TRAK1: variants seen among roughly 807,000 people sequenced by gnomAD.
TRAK1 encodes trafficking kinesin-binding protein 1.
In TRAK1, 33 loss-of-function variants were observed where a neutral mutation model predicts 92.1. The ratio of observed to expected loss-of-function variants is 0.36; its 90% CI spans 0.27 to 0.48. TRAK1 has a LOEUF of 0.48. Among genes scored for constraint, TRAK1 ranks in the 20% least tolerant of loss-of-function variants. TRAK1 has a pLI of 0.99. For synonymous variants in TRAK1, 521 were observed against 517.3 expected, an observed-to-expected ratio of 1.01 and a Z score of -0.10; for missense variants, 1,123 against 1,257.9, an observed-to-expected ratio of 0.89 and a Z score of 1.62.
chr3:42,170,553 C>G (rs924272368), intron 2 of TRAK1, among the ~76,000 whole-genome samples: 1 of 152,200 alleles, frequency 6.6e-6, no homozygotes, highest in Admixed American at 6.5e-5. Flanking sequence ...TCTGTTTCAA[C>G]TGGGTATATC....
At chr3:42,055,434 T>C (rs1703162162) in intron 1 of TRAK1, among the ~76,000 whole-genome samples, 2 of 152,210 alleles carry the variant, frequency 1.3e-5, no homozygotes, top group Admixed American at 6.5e-5. Flanking sequence ...TGGTTTTCAG[T>C]GTTTACAGAG....
At chr3:42,219,986 T>C (rs1710184249) in intron 15 of TRAK1, among the ~76,000 whole-genome samples, 1 of 151,958 alleles carries the variant, frequency 6.6e-6, no homozygotes, top group African/African-American at 2.4e-5. Context: ...AGTTGCCCTT[T>C]TAGTTGGCTA....
At chr3:42,040,119 A>G (rs547291107) in intron 1 of TRAK1, among the ~76,000 whole-genome samples, 3 of 151,910 alleles carry the variant, frequency 2.0e-5, no homozygotes, top group Non-Finnish European at 4.4e-5. Flanking sequence ...GGATTTGCAT[A>G]TATTTTCTTC....
chr3:42,211,760 T>C (rs1289855712), intron 14 of TRAK1: 1 of 985,348 alleles, frequency 1.0e-6, no homozygotes, highest in Non-Finnish European at 1.2e-6. Flanking sequence ...ACTGACATCC[T>C]GGCCACTCTC....
At chr3:42,108,084 AG>A (rs1707839898) in intron 1 of TRAK1, among the ~76,000 whole-genome samples, 1 of 152,108 alleles carries the variant, frequency 6.6e-6, no homozygotes, top group Non-Finnish European at 1.5e-5. Context: ...ATTTTGCAGC[AG>A]GGGAGGCTAA....
chr3:42,190,508 A>G (rs926795953), intron 6 of TRAK1, among the ~76,000 whole-genome samples: 15 of 152,112 alleles, frequency 9.9e-5, no homozygotes, highest in Non-Finnish European at 7.4e-5. Flanking sequence ...TGGGCAAGGC[A>G]ACAGCCCTGT....
chr3:42,195,034 C>G, intron 10 of TRAK1, 93 bp downstream of exon 10: 3 of 1,482,104 alleles, frequency 2.0e-6, no homozygotes, highest in Non-Finnish European at 2.7e-6. Context: ...GTTGGGTGTT[C>G]ACAGTTCGCT....
chr3:42,163,246 A>T (rs1164036418), intron 2 of TRAK1, among the ~76,000 whole-genome samples: 2 of 152,184 alleles, frequency 1.3e-5, no homozygotes, highest in Non-Finnish European at 2.9e-5. Context: ...GACCAGCAGC[A>T]TCAGGATCAC....
At chr3:42,055,027 C>T (rs536413019) in intron 1 of TRAK1, among the ~76,000 whole-genome samples, 23 of 141,182 alleles carry the variant, frequency 1.6e-4, no homozygotes, top group African/African-American at 5.8e-4. Flanking sequence ...TCAGGAAATT[C>T]TCCTGTCTCA....
chr3:42,172,804 G>A (rs1702731080), intron 2 of TRAK1, among the ~76,000 whole-genome samples: 1 of 152,116 alleles, frequency 6.6e-6, no homozygotes. Flanking sequence ...GCAGCAAGTT[G>A]CATTTAACTT....
chr3:42,187,355 A>T (rs1321591665), intron 4 of TRAK1, among the ~76,000 whole-genome samples: 1 of 152,212 alleles, frequency 6.6e-6, no homozygotes, highest in Non-Finnish European at 1.5e-5. Context: ...GCAGAAGTGA[A>T]TGAATGGCCT....
intron 1 of TRAK1, among the ~76,000 whole-genome samples, chr3:42,079,489 T>G (rs1704327704): frequency 1.3e-5 from 2 of 150,032 alleles, no homozygotes; most frequent in Non-Finnish European, 3.0e-5. Context: ...TTTTTTTTTT[T>G]TTTTGTTTTG....
chr3:42,214,885 C>G (rs184340759), intron 14 of TRAK1, among the ~76,000 whole-genome samples: 107 of 152,324 alleles, frequency 7.0e-4, no homozygotes, highest in African/African-American at 2.5e-3. Context: ...AAGCCCAGAA[C>G]TAAGGCCTTT....
At chr3:42,083,071 T>G (rs1401799109), upstream of TRAK1, among the ~76,000 whole-genome samples, 6 of 152,246 alleles carry the variant, frequency 3.9e-5, no homozygotes, top group Non-Finnish European at 5.9e-5. Context: ...CTACAGTAAA[T>G]TTTGTCAGGC....
intron 1 of TRAK1, among the ~76,000 whole-genome samples, chr3:42,038,488 A>G (rs936813354): frequency 3.3e-5 from 5 of 152,152 alleles, no homozygotes; most frequent in Non-Finnish European, 1.5e-5. Flanking sequence ...GGTTATTTTT[A>G]AAAATTTTTT....
In TRAK1 at chr3:42,202,460, G is replaced by A. The variant is rs751274013; in HGVS notation, c.1452G>A (p.Pro484=). Residue 484 remains proline (P), a synonymous_variant, in exon 13 of 16, where the codon CCG becomes CCA. Coordinates refer to ENST00000327628, the MANE Select transcript of TRAK1 (RefSeq NM_001042646.3). This position sits in a 1 kb window ranked among gnomAD's most constrained non-coding sequence, Gnocchi z 6.1. ...GAAACGATGAGCGGAGTAAGAAGCC[G>A]GGGACGCCGGGCACCCCAGGCTCCC... ...DLGNDERSKK[P]GTPGTPGSHD... 6.1e-6 allele frequency: 9 copies of A among 1,483,684 alleles called. No homozygotes were observed. The highest frequency in any genetic ancestry group is 2.8e-5 in the African/African-American group (2 of 70,972). The allele number at this position is 1,483,684 out of a possible 1,614,324, so 91.9% of individuals were successfully genotyped here. A position where few individuals can be genotyped will look rare whatever the true frequency, so the allele number is the denominator to read the frequency against.
chr3:42,113,005 A>C (rs962350221), intron 1 of TRAK1, among the ~76,000 whole-genome samples: 1 of 152,096 alleles, frequency 6.6e-6, no homozygotes, highest in Admixed American at 6.5e-5. Context: ...TCCTAGGCTC[A>C]AGTGATCCTC....
In TRAK1 at chr3:42,192,596, C is replaced by T. The variant is rs183257295; in HGVS notation, c.770-479C>T. Among the ~76,000 whole-genome samples, 1,010 of 138,038 alleles carry T rather than the reference C, an allele frequency of 7.3e-3. 7 individuals carry two copies. Among genetic ancestry groups the T allele is most frequent in the African/African-American group, 0.031 (886 of 28,186 alleles). 90.6% of individuals were successfully genotyped at this position (138,038 alleles called of 152,430 possible). ...TCAAATCTAGTCAAGTGAGTTATGA[C>T]TCTGAATATGGGTTGAAAACTCCAA... On this transcript the variant is annotated intron_variant, in intron 7 of 15. Coordinates refer to ENST00000327628, the MANE Select transcript of TRAK1 (RefSeq NM_001042646.3).
At chr3:42,175,973 C>T (rs554401838) in intron 2 of TRAK1, among the ~76,000 whole-genome samples, 1 of 152,326 alleles carries the variant, frequency 6.6e-6, no homozygotes, top group East Asian at 1.9e-4. Flanking sequence ...ATAAAACTTA[C>T]GCTACCTTCT....
Sources: allele counts gnomAD v4.1 joint callset (sites outside exome capture counted in the v4.1 genomes callset), GRCh38; gene constraint gnomAD v4.1.1; non-coding constraint Gnocchi (gnomAD v3.1); transcripts MANE v1.5; gene names NCBI Gene and HGNC (gene_info 2026-07-23, HGNC 2026-07-21).